Variants in NRXN1 observed in about 807,000 individuals in gnomAD.
The protein encoded by NRXN1 is neurexin-1.
A neutral mutation model predicts 150.9 loss-of-function variants in NRXN1; 39 were observed. That is an observed-to-expected ratio of 0.26 (90% CI 0.20 to 0.34). The LOEUF is 0.34. Among genes scored for constraint, NRXN1 ranks in the 10% least tolerant of loss-of-function variants. NRXN1 has a pLI of 1.00. For synonymous variants in NRXN1, 924 were observed against 757.0 expected (o/e 1.22, Z -3.62); for missense variants, 1,815 against 1,949.9 (o/e 0.93, Z 1.30).
chr2:51,008,265 T>C (rs1037809352), intron 2 of NRXN1, among the ~76,000 whole-genome samples: 2 of 151,886 alleles, frequency 1.3e-5, no homozygotes, highest in Non-Finnish European at 2.9e-5. Context: ...TATTATACTA[T>C]CTAAAAAGAA....
intron 19 of NRXN1, among the ~76,000 whole-genome samples, chr2:50,080,649 G>C (rs1697819391): frequency 6.6e-6 from 1 of 152,068 alleles, no homozygotes; most frequent in African/African-American, 2.4e-5. Flanking sequence ...ATCAAGCATA[G>C]TATCAGTGCT....
At chr2:50,627,206 C>T (rs1482985756) in intron 5 of NRXN1, among the ~76,000 whole-genome samples, 2 of 151,746 alleles carry the variant, frequency 1.3e-5, no homozygotes, top group Non-Finnish European at 2.9e-5. Context: ...ATGGGAATTT[C>T]ACATATTACA....
chr2:50,823,048 A>C (rs1258944097), intron 5 of NRXN1, among the ~76,000 whole-genome samples: 2 of 152,174 alleles, frequency 1.3e-5, no homozygotes, highest in Non-Finnish European at 2.9e-5. Flanking sequence ...TCAATAATCA[A>C]TGTGCACTTG....
chr2:50,457,664 T>C (rs1350179446), intron 17 of NRXN1, among the ~76,000 whole-genome samples: 5 of 151,944 alleles, frequency 3.3e-5, no homozygotes, highest in Non-Finnish European at 7.4e-5. Context: ...AAAGAAGACA[T>C]TCCTCAAAAG....
chr2:50,816,477 GT>G (rs1204688699), intron 5 of NRXN1, among the ~76,000 whole-genome samples: 4 of 152,048 alleles, frequency 2.6e-5, no homozygotes, highest in Non-Finnish European at 5.9e-5. Flanking sequence ...GCTTGTCTCA[GT>G]AAAAAAACTA....
intron 18 of NRXN1, among the ~76,000 whole-genome samples, chr2:50,112,216 T>G (rs563199397): frequency 8.5e-5 from 13 of 152,280 alleles, no homozygotes; most frequent in Non-Finnish European, 1.2e-4. Context: ...TGCTTAAACC[T>G]TTTTCTTCAT....
intron 2 of NRXN1, among the ~76,000 whole-genome samples, chr2:50,978,156 G>C (rs1041415426): frequency 6.0e-5 from 9 of 149,414 alleles, no homozygotes; most frequent in Non-Finnish European, 9.0e-5. Flanking sequence ...ATAGGAAAAA[G>C]AAACAGATAT....
intron 5 of NRXN1, among the ~76,000 whole-genome samples, chr2:50,665,087 C>G (rs1042414520): frequency 6.6e-5 from 10 of 151,898 alleles, no homozygotes; most frequent in African/African-American, 2.4e-4. Context: ...ACTACTTTTT[C>G]CACAGGCCAC....
intron 5 of NRXN1, among the ~76,000 whole-genome samples, chr2:50,731,835 C>A (rs1161394351): frequency 6.6e-6 from 1 of 152,164 alleles, no homozygotes; most frequent in Non-Finnish European, 1.5e-5. Flanking sequence ...AAATTCTTCT[C>A]ATCCAGTTGC....
At chr2:50,986,854 A>G (rs952527503) in intron 2 of NRXN1, among the ~76,000 whole-genome samples, 48 of 151,996 alleles carry the variant, frequency 3.2e-4, no homozygotes, top group African/African-American at 1.1e-3. Flanking sequence ...TAAAATAAAC[A>G]CAATTGACAT....
intron 17 of NRXN1, among the ~76,000 whole-genome samples, chr2:50,353,051 C>A (rs1318986620): frequency 6.6e-6 from 1 of 151,902 alleles, no homozygotes; most frequent in Non-Finnish European, 1.5e-5. Context: ...TCAAGATGAG[C>A]CAATGCGGTA....
intron 22 of NRXN1, among the ~76,000 whole-genome samples, chr2:49,930,917 G>A (rs913972444): frequency 1.3e-5 from 2 of 152,238 alleles, no homozygotes; most frequent in African/African-American, 4.8e-5. Context: ...AGAGGCTGAA[G>A]CCAGGTGTTC....
Position 50,599,484 on chromosome 2 carries a change from A to G in NRXN1, c.1320+20538T>C, listed in dbSNP as rs541916721. Among the ~76,000 whole-genome samples the G allele has an allele frequency of 5.3e-5, 8 of 152,376 alleles. No homozygotes were observed. The East Asian group carries it at 1.5e-3, about 29-fold the overall frequency. Reference sequence around the variant, plus strand: ...TCTAACAATGCCAAATGCAGAATAAATATTCTTGCCTTGAAAATTATGATA... The same window carrying G: ...TCTAACAATGCCAAATGCAGAATAAGTATTCTTGCCTTGAAAATTATGATA... On this transcript the variant is annotated intron_variant, in intron 8 of 22. Coordinates refer to ENST00000401669, the MANE Select transcript of NRXN1 (RefSeq NM_001330078.2).
chr2:50,188,924 G>A (rs2061266317), intron 18 of NRXN1, among the ~76,000 whole-genome samples: 1 of 152,174 alleles, frequency 6.6e-6, no homozygotes, highest in Non-Finnish European at 1.5e-5. Context: ...TTTTGGGAGT[G>A]TAAATTAGTT....
At chr2:50,557,421 A>G (rs1350137260) in intron 8 of NRXN1, among the ~76,000 whole-genome samples, 1 of 152,020 alleles carries the variant, frequency 6.6e-6, no homozygotes, top group African/African-American at 2.4e-5. Context: ...AACATGAATG[A>G]CTCATATTTT....
At chr2:50,176,145 T>C (rs1191940857) in intron 18 of NRXN1, among the ~76,000 whole-genome samples, 1 of 152,150 alleles carries the variant, frequency 6.6e-6, no homozygotes, top group Non-Finnish European at 1.5e-5. Flanking sequence ...GTTTTCATCT[T>C]CCACCATACA....
At chr2:50,950,965 G>C (rs1691232512) in intron 2 of NRXN1, among the ~76,000 whole-genome samples, 1 of 152,118 alleles carries the variant, frequency 6.6e-6, no homozygotes, top group African/African-American at 2.4e-5. Flanking sequence ...AATATAACAA[G>C]ACATTTCTTT....
At position 50,849,510 on chromosome 2, in the gene NRXN1, C is replaced by T. The variant is rs529325841; in HGVS notation, c.832+72359G>A. On this transcript the variant is annotated intron_variant, in intron 5 of 22. Coordinates refer to ENST00000401669, the MANE Select transcript of NRXN1 (RefSeq NM_001330078.2). ...ATCAATTAGCAAACACAGATGGCCT[C>T]GTCAGGATGACCAACGTTACCCAAT... Among the ~76,000 whole-genome samples the T allele has an allele frequency of 4.6e-5, 7 of 152,282 alleles. No homozygotes were observed. The South Asian group carries it at 1.0e-3, about 23-fold the overall frequency.
At chr2:50,606,658 A>G (rs1024345992) in intron 8 of NRXN1, among the ~76,000 whole-genome samples, 7 of 150,140 alleles carry the variant, frequency 4.7e-5, no homozygotes, top group African/African-American at 1.7e-4. Flanking sequence ...ATATATTAGA[A>G]TATATTCATT....
Sources: allele counts gnomAD v4.1 joint callset (sites outside exome capture counted in the v4.1 genomes callset), GRCh38; gene constraint gnomAD v4.1.1; transcripts MANE v1.5; gene names NCBI Gene and HGNC (gene_info 2026-07-23, HGNC 2026-07-21).